NTRK3: variants seen among roughly 807,000 people sequenced by gnomAD.
NTRK3 encodes the protein neurotrophic receptor tyrosine kinase 3, also known as NT-3 growth factor receptor.
NTRK3 carries 24 observed loss-of-function variants against 91.7 expected under a neutral mutation model. That is an observed-to-expected ratio of 0.26 (90% confidence interval 0.19 to 0.37). The LOEUF (loss-of-function observed/expected upper bound fraction) is 0.37. NTRK3 is among the 10% of genes least tolerant of loss of function. The pLI, the probability that NTRK3 is intolerant of heterozygous loss-of-function variation, is 1.00. For synonymous variants in NTRK3, 483 were observed against 404.0 expected (o/e 1.20, Z -2.34); for missense variants, 880 against 1,068.9 (o/e 0.82, Z 2.46).
intron 3 of NTRK3, among the ~76,000 whole-genome samples, chr15:88,189,335 A>G (rs1026498037): frequency 3.9e-5 from 6 of 152,352 alleles, no homozygotes; most frequent in Non-Finnish European, 7.3e-5. Context: ...TTATAATGGG[A>G]CATGGCATAA....
At chr15:88,183,574 T>C in intron 4 of NTRK3, 85 bp from the exon 5 acceptor site, 1 of 1,277,156 alleles carries the variant, frequency 7.8e-7, no homozygotes, top group Non-Finnish European at 1.1e-6. Context: ...GGGGTGAGGC[T>C]AAGGCTGGCC....
At chr15:88,099,075 G>A (rs1012368419) in intron 13 of NTRK3, 2 of 230,966 alleles carry the variant, frequency 8.7e-6, no homozygotes, top group African/African-American at 2.2e-5. Flanking sequence ...AGAGCACAGG[G>A]CTGAAAGAGC....
rs934153768 is a variant in NTRK3 at position 88,004,219 on chromosome 15, T to C, written c.1585+28638A>G. ...ATCTCTCCATCCTTAATGCCCCTCC[T>C]GGCATCCCTGATCTCCAAGAGGGAC... is the stretch of plus-strand genomic sequence containing the variant. On this transcript the variant is annotated intron_variant, in intron 14 of 18. Coordinates refer to ENST00000394480, the Ensembl canonical transcript of NTRK3. 3.3e-5 allele frequency among the ~76,000 whole-genome samples: 5 copies of C among 152,278 alleles called. No individual in the cohort carries two copies. In the East Asian group the frequency reaches 9.7e-4, roughly 29 times the overall value.
At position 87,968,393 on chromosome 15, in the gene NTRK3, C is replaced by T. The variant is rs138083711; in HGVS notation, c.1586-27640G>A. On this transcript the variant is annotated intron_variant, in intron 14 of 18. Coordinates refer to ENST00000394480, the Ensembl canonical transcript of NTRK3. ...CATCACAGCAAGTAGGGAGTGGAGG[C>T]AAAACACTTCAAAGACTTCTGGGAG... Among the ~76,000 whole-genome samples the T allele has an allele frequency of 6.2e-3, 950 of 152,046 alleles. 12 individuals carry two copies. The highest frequency in any genetic ancestry group is 0.022 in the African/African-American group (915 of 41,470).
chr15:88,030,383 T>C (rs2078416249), intron 14 of NTRK3, among the ~76,000 whole-genome samples: 1 of 152,122 alleles, frequency 6.6e-6, no homozygotes, highest in African/African-American at 2.4e-5. Flanking sequence ...GCCCCATAGC[T>C]CTCTCCATGG....
chr15:88,217,293 C>T (rs2049866076), intron 3 of NTRK3, among the ~76,000 whole-genome samples: 1 of 152,214 alleles, frequency 6.6e-6, no homozygotes, highest in South Asian at 2.1e-4. Context: ...AGATAACTAA[C>T]GGTATACCCG....
At chr15:88,029,106 C>G (rs919330453) in intron 14 of NTRK3, among the ~76,000 whole-genome samples, 22 of 152,306 alleles carry the variant, frequency 1.4e-4, no homozygotes, top group African/African-American at 4.8e-4. Context: ...AGGGCTGTAT[C>G]CATTTCCTGA....
chr15:87,974,010 G>A (rs772233463), intron 14 of NTRK3, among the ~76,000 whole-genome samples: 22 of 152,154 alleles, frequency 1.4e-4, no homozygotes, highest in African/African-American at 1.9e-4. Flanking sequence ...CAATGAAGTC[G>A]TCCTGCATTG....
At chr15:88,213,987 G>T (rs1251467207) in intron 3 of NTRK3, among the ~76,000 whole-genome samples, 1 of 152,094 alleles carries the variant, frequency 6.6e-6, no homozygotes, top group Non-Finnish European at 1.5e-5. Context: ...GCTGAGGCAG[G>T]ATAACTGCTT....
chr15:87,920,706 A>AG (rs1266322479), intron 17 of NTRK3, among the ~76,000 whole-genome samples: 1 of 152,176 alleles, frequency 6.6e-6, no homozygotes, highest in Non-Finnish European at 1.5e-5. Flanking sequence ...GTTTTGCAGG[A>AG]GGGGGTCTTA....
At chr15:88,242,879 G>T (rs1389412012) in intron 3 of NTRK3, among the ~76,000 whole-genome samples, 14 of 152,248 alleles carry the variant, frequency 9.2e-5, no homozygotes, top group Admixed American at 6.5e-4. Flanking sequence ...CACCGCCAAT[G>T]CCAGGCCCCC....
rs1334643811 is a variant in NTRK3 at position 87,931,147 on chromosome 15, C to T, written c.1890-1713G>A. On this transcript the variant is annotated intron_variant, in intron 16 of 18. Coordinates refer to ENST00000394480, the Ensembl canonical transcript of NTRK3. ...TTATTTCCCTCCTACTATCTTCTTT[C>T]TCTTCCCTTTTATCATGTATGACAG... 6.1e-6 allele frequency: 3 copies of T among 493,166 alleles called. No homozygotes were observed. The Admixed American group carries it at 6.4e-5, about 11-fold the overall frequency. 30.5% of individuals were successfully genotyped at this position (493,166 alleles called of 1,614,324 possible).
intron 14 of NTRK3, among the ~76,000 whole-genome samples, chr15:87,986,705 T>C (rs767144767): frequency 3.6e-4 from 55 of 152,246 alleles, no homozygotes; most frequent in Non-Finnish European, 5.9e-4. Flanking sequence ...TTCTATCTTT[T>C]GATTATTCCA....
At chr15:88,175,734 T>A (rs769496723) in intron 5 of NTRK3, among the ~76,000 whole-genome samples, 34 of 152,238 alleles carry the variant, frequency 2.2e-4, no homozygotes, top group Non-Finnish European at 4.4e-4. Context: ...CATTAATTCA[T>A]TTAATCTTGC....
chr15:87,989,813 GCCAGACTGGT>G (rs1039341523), intron 14 of NTRK3, among the ~76,000 whole-genome samples: 4 of 152,078 alleles, frequency 2.6e-5, no homozygotes, highest in Admixed American at 6.5e-5. Context: ...CACCATGTTG[GCCAGACTGGT>G]CTATAACTCC....
rs141389950 is a variant in NTRK3 at position 87,986,345 on chromosome 15, A to T, written c.1586-45592T>A. ...AGCATTAACAATTTATAATATTTTG[A>T]TATCTTCTTCTCAAATTTCTAAACA... On this transcript the variant is annotated intron_variant, in intron 14 of 18. Coordinates refer to ENST00000394480, the Ensembl canonical transcript of NTRK3. Among the ~76,000 whole-genome samples, 551 of 152,358 alleles carry T rather than the reference A, an allele frequency of 3.6e-3. 8 individuals are homozygous for T. Among genetic ancestry groups the T allele is most frequent in the African/African-American group, 0.013 (533 of 41,578 alleles).
At chr15:88,154,106 T>G (rs1004445359) in intron 5 of NTRK3, among the ~76,000 whole-genome samples, 13 of 126,670 alleles carry the variant, frequency 1.0e-4, no homozygotes, top group Non-Finnish European at 1.8e-4. Context: ...CCACATAGAC[T>G]TTGCAAAAAA....
chr15:88,124,762 T>C (rs1273258675), intron 13 of NTRK3, among the ~76,000 whole-genome samples: 1 of 152,306 alleles, frequency 6.6e-6, no homozygotes, highest in East Asian at 1.9e-4. Flanking sequence ...CCAATCTAGG[T>C]GCCTAAAAGT....
intron 15 of NTRK3, among the ~76,000 whole-genome samples, chr15:87,935,242 C>A (rs2069164252): frequency 6.6e-6 from 1 of 152,156 alleles, no homozygotes; most frequent in Admixed American, 6.5e-5. Context: ...GGGATGTTGG[C>A]TGCCAACAGA....
Sources: allele counts gnomAD v4.1 joint callset (sites outside exome capture counted in the v4.1 genomes callset), GRCh38; gene constraint gnomAD v4.1.1; transcripts MANE v1.5; gene names NCBI Gene and HGNC (gene_info 2026-07-23, HGNC 2026-07-21).